SLC9A9: variants seen among roughly 807,000 people sequenced by gnomAD.
The protein encoded by SLC9A9 is solute carrier family 9 member A9.
In SLC9A9, 62 loss-of-function variants were observed where a neutral mutation model predicts 77.8. That is an observed-to-expected ratio of 0.80 (90% CI 0.65 to 0.98). The LOEUF is 0.98. Among genes scored for constraint, SLC9A9 ranks in the 50% least tolerant of loss-of-function variants. The pLI is 0.00. For missense variants in SLC9A9, 775 were observed against 774.9 expected (o/e 1.00, Z 0.00); for synonymous variants, 320 against 283.5 (o/e 1.13, Z -1.29).
At chr3:143,319,234 A>G (rs917814794) in intron 14 of SLC9A9, among the ~76,000 whole-genome samples, 17 of 152,126 alleles carry the variant, frequency 1.1e-4, no homozygotes, top group Non-Finnish European at 2.1e-4. Context: ...AGCCAAAAAG[A>G]CTATGGTCCT....
intron 11 of SLC9A9, among the ~76,000 whole-genome samples, chr3:143,492,049 T>A (rs886830496): frequency 6.6e-6 from 1 of 152,014 alleles, no homozygotes; most frequent in Non-Finnish European, 1.5e-5. Context: ...TCCCAGCACT[T>A]TGGGAGGCCG....
At chr3:143,339,508 A>G (rs926205426) in intron 14 of SLC9A9, among the ~76,000 whole-genome samples, 1 of 124,022 alleles carries the variant, frequency 8.1e-6, no homozygotes, top group Non-Finnish European at 1.6e-5. Flanking sequence ...TTTCCCTGCT[A>G]TCTTCTTTAT....
rs192611166 is a variant in SLC9A9, at chr3:143,304,569, G to A, written c.1605-35589C>T. On this transcript the variant is annotated intron_variant, in intron 14 of 15. Transcript: ENST00000316549. ...GGCCTTGGGTTAAGAACTTGGTTTCGAGTTGACAGACTTGATAAAAGTCCA... is the reference window on the plus strand; with the variant it reads ...GGCCTTGGGTTAAGAACTTGGTTTCAAGTTGACAGACTTGATAAAAGTCCA... Among the ~76,000 whole-genome samples, 315 of 152,258 alleles carry A rather than the reference G, an allele frequency of 2.1e-3. 1 individual carries two copies. Among genetic ancestry groups the A allele is most frequent in the African/African-American group, 7.1e-3 (295 of 41,542 alleles).
intron 6 of SLC9A9, among the ~76,000 whole-genome samples, chr3:143,586,109 T>G (rs1358616162): frequency 3.3e-5 from 5 of 152,198 alleles, no homozygotes; most frequent in Non-Finnish European, 7.3e-5. Context: ...GATAACCCCT[T>G]TCCTTCCCCA....
Position 143,268,861 on chromosome 3 carries a change from T to A in SLC9A9, c.1710+14A>T. The stretch of plus-strand genomic sequence containing the variant: ...GGGATATTCCCTCACCCTAGAGGCC[T>A]GAGATTTACTTACCCCATAGGCTTG... On this transcript the variant is annotated intron_variant, in intron 15 of 15. Coordinates refer to ENST00000316549, the MANE Select transcript of SLC9A9 (RefSeq NM_173653.4). The A allele has an allele frequency of 6.4e-7, 1 of 1,573,192 alleles. No individual in the cohort carries two copies. The highest frequency in any genetic ancestry group is 8.7e-7 in the Non-Finnish European group (1 of 1,146,084).
At chr3:143,494,290 C>T (rs1261220888) in intron 10 of SLC9A9, among the ~76,000 whole-genome samples, 1 of 152,174 alleles carries the variant, frequency 6.6e-6, no homozygotes, top group African/African-American at 2.4e-5. Context: ...GTTGCTTTAT[C>T]TGGCAATTTC....
intron 11 of SLC9A9, among the ~76,000 whole-genome samples, chr3:143,491,027 CCAGT>C (rs143297839): frequency 0.011 from 1,730 of 152,236 alleles, 31 homozygotes; most frequent in African/African-American, 0.039. Context: ...AAACAAAAAT[CCAGT>C]CAAATACATA....
intron 4 of SLC9A9, among the ~76,000 whole-genome samples, chr3:143,745,617 C>T (rs1184724714): frequency 1.3e-5 from 2 of 152,068 alleles, no homozygotes; most frequent in Middle Eastern, 3.2e-3. Context: ...ACATTAGGGC[C>T]GCTGTGTATT....
chr3:143,374,787 TAC>T (rs1305878587), intron 13 of SLC9A9, among the ~76,000 whole-genome samples: 1 of 152,182 alleles, frequency 6.6e-6, no homozygotes, highest in East Asian at 1.9e-4. Flanking sequence ...ACAAGCCAGT[TAC>T]ATACTTTAAA....
chr3:143,484,621 T>C (rs1053576066), intron 11 of SLC9A9, among the ~76,000 whole-genome samples: 1 of 147,030 alleles, frequency 6.8e-6, no homozygotes, highest in Non-Finnish European at 1.5e-5. Flanking sequence ...TGCTGTGAAC[T>C]GGATGGGGGT....
rs542139859 is a variant in SLC9A9, at chr3:143,698,512, G to A, written c.534-5205C>T. ...ATGCTTAACATACTCATTTCATTTA[G>A]AGTTATGACGCACACACTGATTTTA... is the stretch of plus-strand genomic sequence containing the variant. On this transcript the variant is annotated intron_variant, in intron 4 of 15. Coordinates refer to ENST00000316549, the MANE Select transcript of SLC9A9 (RefSeq NM_173653.4). Among the ~76,000 whole-genome samples the A allele has an allele frequency of 1.9e-3, 282 of 152,236 alleles. 7 individuals are homozygous for A. Among genetic ancestry groups the A allele is most frequent in the South Asian group, 0.018 (89 of 4,828 alleles).
chr3:143,487,822 T>C (rs2035677603), intron 11 of SLC9A9, among the ~76,000 whole-genome samples: 1 of 149,824 alleles, frequency 6.7e-6, no homozygotes, highest in Non-Finnish European at 1.5e-5. Context: ...CAACCTAACT[T>C]CACAACTTAA....
chr3:143,720,176 T>C (rs1249671930), intron 4 of SLC9A9, among the ~76,000 whole-genome samples: 1 of 150,482 alleles, frequency 6.6e-6, no homozygotes, highest in Non-Finnish European at 1.5e-5. Flanking sequence ...ATAAAGTAAA[T>C]ATATGTAGAG....
At chr3:143,811,874 AAAAAG>A in intron 2 of SLC9A9, 3 of 332,972 alleles carry the variant, frequency 9.0e-6, no homozygotes, top group Non-Finnish European at 1.2e-5. Context: ...AAGAAAAAAA[AAAAAG>A]AAAAAGAAAA....
At chr3:143,589,832 C>A (rs972756232) in intron 6 of SLC9A9, among the ~76,000 whole-genome samples, 1 of 152,074 alleles carries the variant, frequency 6.6e-6, no homozygotes, top group Non-Finnish European at 1.5e-5. Context: ...AGTGGAAATG[C>A]CTGGCTCTAC....
intron 6 of SLC9A9, among the ~76,000 whole-genome samples, chr3:143,648,063 A>G (rs1197587984): frequency 1.3e-5 from 2 of 152,230 alleles, no homozygotes; most frequent in African/African-American, 4.8e-5. Flanking sequence ...AAATAAGGGT[A>G]GAAATTATAT....
intron 3 of SLC9A9, among the ~76,000 whole-genome samples, chr3:143,796,487 C>T (rs558948294): frequency 5.9e-5 from 9 of 152,108 alleles, no homozygotes; most frequent in Non-Finnish European, 1.2e-4. Flanking sequence ...CATTTCTACA[C>T]GAAATCAATA....
rs1365367305 is a variant in SLC9A9 at position 143,266,918 on chromosome 3, T to G, written c.1722A>C (p.Lys574Asn). 3.3e-5 allele frequency: 54 copies of G among 1,613,872 alleles called. No homozygotes were observed. Among genetic ancestry groups the G allele is most frequent in the Non-Finnish European group, 4.5e-5 (53 of 1,179,888 alleles). ...TTACAATGCATTCCACATCATCCTCTTTTAGCTGTTCCTGGTTGGGAAAAG... is the reference window on the plus strand; with the variant it reads ...TTACAATGCATTCCACATCATCCTCGTTTAGCTGTTCCTGGTTGGGAAAAG... ...TSPQAYGEQL[K>N]EDDVECIVNQ... The change falls in exon 16 of 16, where the codon AAA (lysine) becomes AAC (asparagine). Residue 574 changes from lysine (K) to asparagine (N), a missense_variant. Physicochemically the swap from Lys to Asn is moderately conservative, Grantham distance 94 (BLOSUM62 0). Coordinates refer to ENST00000316549, the MANE Select transcript of SLC9A9 (RefSeq NM_173653.4).
chr3:143,488,026 G>A (rs984910828), intron 11 of SLC9A9, among the ~76,000 whole-genome samples: 5 of 151,688 alleles, frequency 3.3e-5, no homozygotes, highest in Admixed American at 2.0e-4. Context: ...GAAGATTCAA[G>A]TTACTAAAAT....
Sources: gnomAD v4.1 joint callset for allele counts (sites outside exome capture counted in the v4.1 genomes callset) on GRCh38, gnomAD v4.1.1 for gene constraint, MANE v1.5 for transcripts, NCBI Gene and HGNC (gene_info 2026-07-23, HGNC 2026-07-21) for gene names.